COL4A6: variants seen among roughly 807,000 people sequenced by gnomAD.
COL4A6 encodes the protein collagen alpha-6(IV) chain.
COL4A6 carries 59 observed loss-of-function variants against 126.7 expected under a neutral mutation model. That is an observed-to-expected ratio of 0.47 (90% CI 0.38 to 0.58). The LOEUF is 0.58. Among genes scored for constraint, COL4A6 ranks in the 20% least tolerant of loss-of-function variants. COL4A6 has a pLI of 0.00. For synonymous variants in COL4A6, 547 were observed against 496.6 expected, an observed-to-expected ratio of 1.10 and a Z score of -1.35; for missense variants, 1,285 against 1,337.3, an observed-to-expected ratio of 0.96 and a Z score of 0.61.
At position 108,210,147 on chromosome X, in the gene COL4A6, T is replaced by A; in HGVS notation, c.511-143A>T. The A allele has an allele frequency of 3.7e-6, 2 of 543,824 alleles. 1 individual carries two copies. Among genetic ancestry groups the A allele is most frequent in the South Asian group, 8.2e-5 (2 of 24,309 alleles). The allele number at this position is 543,824 out of a possible 1,213,427, so 44.8% of individuals were successfully genotyped here. On this transcript the variant is annotated intron_variant, in intron 7 of 44. Coordinates refer to ENST00000334504, the MANE Select transcript of COL4A6 (RefSeq NM_033641.4). Reference sequence around the variant, plus strand: ...TCAAAGTCTTGTGTTTTAAATAATGTATGAATTGGACATATTCGACTGTTT... The same window carrying A: ...TCAAAGTCTTGTGTTTTAAATAATGAATGAATTGGACATATTCGACTGTTT...
At chrX:108,248,406 G>A (rs1158944932) in intron 3 of COL4A6, among the ~76,000 whole-genome samples, 1 of 110,016 alleles carries the variant, frequency 9.1e-6, no homozygotes, top group Non-Finnish European at 1.9e-5. Flanking sequence ...CATATATAAT[G>A]GGCTCATTCC....
At chrX:108,381,298 C>T (rs1404545562) in intron 2 of COL4A6, among the ~76,000 whole-genome samples, 2 of 111,350 alleles carry the variant, frequency 1.8e-5, no homozygotes, top group Admixed American at 1.9e-4. Context: ...TATGATCTGT[C>T]TAAAGGGGCA....
upstream of COL4A6, among the ~76,000 whole-genome samples, chrX:108,439,116 AATTT>A (rs1208853713): frequency 1.8e-5 from 2 of 111,616 alleles, no homozygotes; most frequent in African/African-American, 6.5e-5. Context: ...CACTGCACTA[AATTT>A]ATTTAATTCC....
chrX:108,408,134 G>T (rs2041243358), intron 2 of COL4A6, among the ~76,000 whole-genome samples: 2 of 110,831 alleles, frequency 1.8e-5, no homozygotes, highest in Admixed American at 1.9e-4. Context: ...AATATATTGA[G>T]AATTCATCTC....
chrX:108,171,703 G>C (rs1248661677), intron 32 of COL4A6, among the ~76,000 whole-genome samples: 1 of 112,237 alleles, frequency 8.9e-6, no homozygotes, highest in Non-Finnish European at 1.9e-5. Flanking sequence ...ACATCACTAG[G>C]CTCAGTATGG....
intron 2 of COL4A6, among the ~76,000 whole-genome samples, chrX:108,425,970 T>C (rs2064077141): frequency 9.0e-6 from 1 of 111,550 alleles, no homozygotes; most frequent in Admixed American, 9.5e-5. Context: ...TTTTTCTTCA[T>C]TATCAACAGC....
At chrX:108,163,281 G>C in intron 40 of COL4A6, 2 of 334,264 alleles carry the variant, frequency 6.0e-6, no homozygotes, top group Non-Finnish European at 1.0e-5. Flanking sequence ...GTCTCCTCAG[G>C]GCCCAGCATT....
chrX:108,318,384 C>T (rs1207039465), intron 2 of COL4A6, among the ~76,000 whole-genome samples: 1 of 111,152 alleles, frequency 9.0e-6, no homozygotes, highest in African/African-American at 3.3e-5. Context: ...GGCGATTAGG[C>T]AGGAGAAGGA....
At chrX:108,359,218 A>G (rs2040026852) in intron 2 of COL4A6, among the ~76,000 whole-genome samples, 1 of 112,367 alleles carries the variant, frequency 8.9e-6, no homozygotes, top group African/African-American at 3.2e-5. Context: ...CCTCAAGCCA[A>G]TCCCATGTGG....
intron 2 of COL4A6, among the ~76,000 whole-genome samples, chrX:108,393,861 G>A (rs750236293): frequency 6.1e-4 from 68 of 112,215 alleles, no homozygotes; most frequent in Non-Finnish European, 1.1e-3. Context: ...GTGGAAGACA[G>A]TGTGGCAATT....
intron 29 of COL4A6, among the ~76,000 whole-genome samples, chrX:108,175,417 T>C (rs1444727380): frequency 1.8e-5 from 2 of 111,394 alleles, no homozygotes; most frequent in African/African-American, 6.5e-5. Flanking sequence ...AACTTTAGAC[T>C]CTCCTCAAAT....
At chrX:108,374,531 G>A (rs1469746500) in intron 2 of COL4A6, among the ~76,000 whole-genome samples, 1 of 112,119 alleles carries the variant, frequency 8.9e-6, no homozygotes, top group Non-Finnish European at 1.9e-5. Flanking sequence ...AAAAGGGGCT[G>A]TCAATCACGT....
chrX:108,300,848 G>A (rs1052871542), intron 3 of COL4A6, among the ~76,000 whole-genome samples: 2 of 110,448 alleles, frequency 1.8e-5, no homozygotes, highest in South Asian at 3.9e-4. Flanking sequence ...TTTCTTAAAT[G>A]TTTTTCTAGG....
intron 2 of COL4A6, among the ~76,000 whole-genome samples, chrX:108,385,881 C>A (rs137989749): frequency 9.2e-5 from 10 of 108,715 alleles, no homozygotes; most frequent in Admixed American, 3.9e-4. Flanking sequence ...CCCTACCCCC[C>A]CAAAAGGCCC....
In COL4A6 at chrX:108,375,400, G is replaced by C. The variant is rs139705565; in HGVS notation, c.63+62542C>G. On this transcript the variant is annotated intron_variant, in intron 2 of 44. Coordinates refer to ENST00000334504, the MANE Select transcript of COL4A6 (RefSeq NM_033641.4). ...GTATTATCCTAAAATATTTTTTTCT[G>C]AGTTACCTGGGGAAAACCCTTCTAT... 2.7e-3 allele frequency among the ~76,000 whole-genome samples: 299 copies of C among 111,439 alleles called. 1 individual carries two copies. Among genetic ancestry groups the C allele is most frequent in the Middle Eastern group, 4.6e-3 (1 of 218 alleles).
chrX:108,382,702 T>G (rs1216354799), intron 2 of COL4A6, among the ~76,000 whole-genome samples: 5 of 110,188 alleles, frequency 4.5e-5, no homozygotes, highest in Non-Finnish European at 5.7e-5. Flanking sequence ...AACCCAGCAC[T>G]TTGGCAGGCA....
At chrX:108,342,748 T>C (rs1012973721) in intron 2 of COL4A6, among the ~76,000 whole-genome samples, 3 of 111,499 alleles carry the variant, frequency 2.7e-5, no homozygotes, top group Non-Finnish European at 3.8e-5. Context: ...TCTAGGTAGC[T>C]ACCCAGTGGA....
At chrX:108,409,228 G>T (rs778326951) in intron 2 of COL4A6, among the ~76,000 whole-genome samples, 1 of 111,831 alleles carries the variant, frequency 8.9e-6, no homozygotes, top group South Asian at 3.7e-4. Context: ...AATTACCTTG[G>T]ATAGAAGTAA....
intron 41 of COL4A6, among the ~76,000 whole-genome samples, chrX:108,162,681 C>T (rs1013890548): frequency 9.0e-6 from 1 of 111,328 alleles, no homozygotes; most frequent in Non-Finnish European, 1.9e-5. Flanking sequence ...CTTGCTCTGC[C>T]CTCACATCCT....
Sources: gnomAD v4.1 joint callset for allele counts (sites outside exome capture counted in the v4.1 genomes callset) on GRCh38, gnomAD v4.1.1 for gene constraint, MANE v1.5 for transcripts, NCBI Gene and HGNC (gene_info 2026-07-23, HGNC 2026-07-21) for gene names.